The following TLN2 variants were observed in gnomAD, a reference collection of about 807,000 sequenced individuals.
The protein encoded by TLN2 is talin 2.
TLN2 carries 118 observed loss-of-function variants against 294.7 expected under a neutral mutation model. The observed-to-expected ratio is 0.40, with a 90% CI of 0.34 to 0.47. TLN2 has a LOEUF of 0.47. Ranked by LOEUF, TLN2 falls within the 20% of genes least tolerant of loss-of-function variation. TLN2 has a pLI of 0.84. For synonymous variants in TLN2, 1,431 were observed against 1,304.5 expected, an observed-to-expected ratio of 1.10 and a Z score of -2.09; for missense variants, 3,083 against 3,282.2, an observed-to-expected ratio of 0.94 and a Z score of 1.48.
chr15:62,761,715 A>G lies in TLN2; in HGVS notation c.4673A>G (p.Asn1558Ser), dbSNP rs755322576. Residue 1558 changes from asparagine to serine, a missense_variant, in exon 38 of 59, where the codon AAT becomes AGT. Asn to Ser is a conservative substitution (Grantham distance 46). Transcript: ENST00000636159. ...LDGDFSEDNR[N>S]KCRIATAPLI... ...GGGGATTTCTCTGAAGACAACCGCA[A>G]TAAGTGTCGCATCGCCACCGCACCC... 126 of 1,614,028 alleles carry G rather than the reference A, an allele frequency of 7.8e-5. 1 individual carries two copies. Among genetic ancestry groups the G allele is most frequent in the Middle Eastern group, 6.6e-4 (4 of 6,084 alleles).
rs118067856 is a variant in TLN2 at position 62,803,236 on chromosome 15, T to A, written c.6478-2364T>A. 2.2e-3 allele frequency among the ~76,000 whole-genome samples: 338 copies of A among 152,354 alleles called. 8 individuals are homozygous for A. The East Asian group carries it at 0.055, about 25-fold the overall frequency. On this transcript the variant is annotated intron_variant, in intron 50 of 58. Transcript: ENST00000636159. The stretch of plus-strand genomic sequence containing the variant: ...GTGTTATTTGTTTCTTTTCTCTTGC[T>A]GCTCTTGGGATCCTTTCTTATCCTT...
intron 42 of TLN2, among the ~76,000 whole-genome samples, chr15:62,774,973 T>C (rs1043392563): frequency 2.0e-5 from 3 of 146,928 alleles, no homozygotes; most frequent in Non-Finnish European, 3.0e-5. Context: ...TTTTTTTTTT[T>C]TGAGATGGAG....
intron 1 of TLN2, among the ~76,000 whole-genome samples, chr15:62,442,971 C>T (rs1179210990): frequency 6.6e-6 from 1 of 152,206 alleles, no homozygotes; most frequent in Admixed American, 6.5e-5. Flanking sequence ...ATCTTCTAAG[C>T]TCTCTCTCAC....
At chr15:62,541,349 C>T (rs1019177952) in intron 1 of TLN2, among the ~76,000 whole-genome samples, 2 of 151,980 alleles carry the variant, frequency 1.3e-5, no homozygotes, top group African/African-American at 4.8e-5. Context: ...TGAATTTCAC[C>T]TTCCTTCCTC....
intron 1 of TLN2, among the ~76,000 whole-genome samples, chr15:62,457,604 G>C (rs2036556979): frequency 6.6e-6 from 1 of 152,200 alleles, no homozygotes; most frequent in Admixed American, 6.5e-5. Context: ...CTGGGAGAGA[G>C]GGACAGCGTT....
At chr15:62,625,712 A>T (rs2049222241) in intron 3 of TLN2, among the ~76,000 whole-genome samples, 1 of 152,142 alleles carries the variant, frequency 6.6e-6, no homozygotes, top group Non-Finnish European at 1.5e-5. Flanking sequence ...TTTTAAATGG[A>T]ACCACCTGTC....
intron 2 of TLN2, among the ~76,000 whole-genome samples, chr15:62,598,141 C>T (rs1021975623): frequency 6.6e-6 from 1 of 152,204 alleles, no homozygotes; most frequent in African/African-American, 2.4e-5. Context: ...TCTTGAAATT[C>T]TCACACAAGC....
chr15:62,422,576 C>A (rs934666167), intron 1 of TLN2, among the ~76,000 whole-genome samples: 1 of 152,076 alleles, frequency 6.6e-6, no homozygotes, highest in Non-Finnish European at 1.5e-5. Flanking sequence ...TGAGAGGAGC[C>A]CCGGAGGTCT....
At chr15:62,759,649 G>C (rs946005766) in intron 37 of TLN2, among the ~76,000 whole-genome samples, 2 of 152,184 alleles carry the variant, frequency 1.3e-5, no homozygotes, top group Non-Finnish European at 1.5e-5. Flanking sequence ...AGCTTGGAGA[G>C]GTAAGAAGCA....
At chr15:62,789,528 G>A (rs2064929698) in intron 45 of TLN2, among the ~76,000 whole-genome samples, 1 of 152,172 alleles carries the variant, frequency 6.6e-6, no homozygotes, top group African/African-American at 2.4e-5. Context: ...CTTTGGTGTG[G>A]GGTGGCACTA....
intron 1 of TLN2, among the ~76,000 whole-genome samples, chr15:62,461,523 G>T (rs574766855): frequency 5.3e-5 from 8 of 152,222 alleles, no homozygotes; most frequent in African/African-American, 1.9e-4. Flanking sequence ...TTTATACCTA[G>T]ACGTAGTATT....
chr15:62,580,439 C>G (rs1172105772), intron 1 of TLN2, among the ~76,000 whole-genome samples: 1 of 137,818 alleles, frequency 7.3e-6, no homozygotes, highest in African/African-American at 2.6e-5. Context: ...TTCCCATTGT[C>G]TTGCTCTGTT....
chr15:62,789,910 CAT>C (rs1031763830), intron 45 of TLN2, among the ~76,000 whole-genome samples: 16 of 152,320 alleles, frequency 1.1e-4, no homozygotes, highest in East Asian at 3.9e-4. Flanking sequence ...ACCTTTCACT[CAT>C]GTGGGTGGCA....
chr15:62,485,682 C>T (rs1206451993), intron 1 of TLN2, among the ~76,000 whole-genome samples: 1 of 152,180 alleles, frequency 6.6e-6, no homozygotes, highest in East Asian at 1.9e-4. Flanking sequence ...ATCAGGTAAC[C>T]TTTTCCTATA....
chr15:62,442,623 A>G (rs1443433957), intron 1 of TLN2, among the ~76,000 whole-genome samples: 1 of 152,012 alleles, frequency 6.6e-6, no homozygotes, highest in East Asian at 1.9e-4. Flanking sequence ...TTTGGTGACC[A>G]GAAGTGTAGT....
chr15:62,418,926 A>G (rs979505495), intron 1 of TLN2, among the ~76,000 whole-genome samples: 3 of 152,218 alleles, frequency 2.0e-5, no homozygotes, highest in African/African-American at 7.2e-5. Flanking sequence ...CTGGATGTAT[A>G]TATGCAGGTC....
In TLN2 at chr15:62,800,357, C is replaced by T. The variant is rs1224757251; in HGVS notation, c.6235-11C>T. ...GACGCCTGCTCACCTGAGTTCTGTGCTCTCTTTCAGGTGGTTTTGATCAAT... is the reference window on the plus strand; with the variant it reads ...GACGCCTGCTCACCTGAGTTCTGTGTTCTCTTTCAGGTGGTTTTGATCAAT... On this transcript the variant is annotated splice_polypyrimidine_tract_variant and intron_variant, in intron 48 of 58. Transcript: ENST00000636159. 4.3e-6 allele frequency: 7 copies of T among 1,612,686 alleles called. No homozygotes were observed.
At chr15:62,545,240 T>TA (rs1240413632) in intron 1 of TLN2, among the ~76,000 whole-genome samples, 1 of 152,080 alleles carries the variant, frequency 6.6e-6, no homozygotes, top group Non-Finnish European at 1.5e-5. Flanking sequence ...ACCCGGCTGT[T>TA]ATGCTTTTTC....
chr15:62,647,157 G>A, intron 3 of TLN2, 118 bp from the exon 4 acceptor site: 1 of 1,022,750 alleles, frequency 9.8e-7, no homozygotes, highest in East Asian at 2.5e-5. Context: ...TTTATTTGCT[G>A]TTTTATTCTC....
Sources: allele counts gnomAD v4.1 joint callset (sites outside exome capture counted in the v4.1 genomes callset), GRCh38; gene constraint gnomAD v4.1.1; transcripts MANE v1.5; gene names NCBI Gene and HGNC (gene_info 2026-07-23, HGNC 2026-07-21).